ERC1: variants seen among roughly 807,000 people sequenced by gnomAD.
The protein encoded by ERC1 is ELKS/RAB6-interacting/CAST family member 1.
ERC1 carries 56 observed loss-of-function variants against 132.0 expected under a neutral mutation model. The ratio of observed to expected loss-of-function variants is 0.42; its 90% CI spans 0.34 to 0.53. The LOEUF is 0.53. Among genes scored for constraint, ERC1 ranks in the 20% least tolerant of loss-of-function variants. The pLI is 0.03. For missense variants in ERC1, 1,202 were observed against 1,349.9 expected, an observed-to-expected ratio of 0.89 and a Z score of 1.72; for synonymous variants, 478 against 476.1, an observed-to-expected ratio of 1.00 and a Z score of -0.05.
chr12:1,382,115 TG>T (rs1458867635), intron 16 of ERC1, among the ~76,000 whole-genome samples: 1 of 152,132 alleles, frequency 6.6e-6, no homozygotes, highest in Non-Finnish European at 1.5e-5. Context: ...AGTAACTGAG[TG>T]TCAGGAGACC....
At chr12:1,243,999 G>C (rs1478433187) in intron 13 of ERC1, among the ~76,000 whole-genome samples, 1 of 152,158 alleles carries the variant, frequency 6.6e-6, no homozygotes, top group Non-Finnish European at 1.5e-5. Flanking sequence ...ACAGTACCCA[G>C]TAATATCGCC....
chr12:1,342,468 CAA>C (rs567114711), intron 15 of ERC1, among the ~76,000 whole-genome samples: 1 of 113,382 alleles, frequency 8.8e-6, no homozygotes, highest in Non-Finnish European at 1.8e-5. Flanking sequence ...AACTCTGTCT[CAA>C]AAAAAAAAAA....
rs541722623 is a variant in ERC1 at position 1,066,275 on chromosome 12, C to T, written c.670-16889C>T. On this transcript the variant is annotated intron_variant, in intron 2 of 18. Transcript: ENST00000360905. ...ATAATTGCCCTGTGTTGAGGATTTA[C>T]CGGGAGCTGGAGCCTTCACATATAT... 2.6e-5 allele frequency among the ~76,000 whole-genome samples: 4 copies of T among 152,258 alleles called. No homozygotes were observed. In the East Asian group the frequency reaches 5.8e-4, roughly 22 times the overall value.
intron 8 of ERC1, among the ~76,000 whole-genome samples, chr12:1,142,715 A>G (rs1221177919): frequency 6.6e-6 from 1 of 152,210 alleles, no homozygotes; most frequent in Non-Finnish European, 1.5e-5. Flanking sequence ...GAGTTCTTTC[A>G]TTGTAAGTAA....
chr12:1,143,204 AC>A (rs1159120743), intron 8 of ERC1, among the ~76,000 whole-genome samples: 1 of 151,998 alleles, frequency 6.6e-6, no homozygotes, highest in Non-Finnish European at 1.5e-5. Flanking sequence ...GCACCAGCCC[AC>A]CTTTTTTAAA....
In ERC1 at chr12:1,485,201, C is replaced by CTTTTTTTTT. The variant is rs71441650; in HGVS notation, c.3214-4879_3214-4871dup. Among the ~76,000 whole-genome samples the CTTTTTTTTT allele has an allele frequency of 1.6e-4, 15 of 96,390 alleles. 1 individual carries two copies. Among genetic ancestry groups the CTTTTTTTTT allele is most frequent in the African/African-American group, 3.5e-4 (8 of 22,978 alleles). 63.2% of individuals were successfully genotyped at this position (96,390 alleles called of 152,430 possible). ...CCCAAACCTGGTCAAGTTTATATTTCTTTTTTTTTTTTTTTTTTTTTGAGA... is the reference window on the plus strand; with the variant it reads ...CCCAAACCTGGTCAAGTTTATATTTCTTTTTTTTTTTTTTTTTTTTTTTTTTTTTTGAGA... On this transcript the variant is annotated intron_variant, in intron 18 of 18. Transcript: ENST00000360905.
chr12:1,346,156 T>TTTA, intron 15 of ERC1, among the ~76,000 whole-genome samples: 1 of 141,260 alleles, frequency 7.1e-6, no homozygotes, highest in South Asian at 2.2e-4. Flanking sequence ...GACTCAAGTT[T>TTTA]TTGTTGTTTG....
At chr12:1,407,934 T>C (rs1013197801) in intron 16 of ERC1, among the ~76,000 whole-genome samples, 3 of 152,180 alleles carry the variant, frequency 2.0e-5, no homozygotes, top group Admixed American at 1.3e-4. Context: ...CGTTGGGGTT[T>C]AGGGGTTCTA....
At chr12:1,255,013 A>G (rs961334033) in intron 13 of ERC1, among the ~76,000 whole-genome samples, 5 of 150,710 alleles carry the variant, frequency 3.3e-5, no homozygotes, top group African/African-American at 1.2e-4. Flanking sequence ...TTACATAGGT[A>G]TACATGTGCC....
intron 12 of ERC1, among the ~76,000 whole-genome samples, chr12:1,226,867 G>A (rs142539870): frequency 0.023 from 3,569 of 152,212 alleles, 52 homozygotes; most frequent in Middle Eastern, 0.075. Flanking sequence ...AGTAGAGATG[G>A]GGTTGCGCCA....
At chr12:1,010,778 G>A (rs1964560312) in intron 1 of ERC1, among the ~76,000 whole-genome samples, 1 of 151,970 alleles carries the variant, frequency 6.6e-6, no homozygotes, top group Admixed American at 6.6e-5. Flanking sequence ...CTCCGAAAGT[G>A]CTGGGATTAC....
intron 18 of ERC1, among the ~76,000 whole-genome samples, chr12:1,472,662 A>C (rs1391380211): frequency 2.0e-5 from 3 of 151,746 alleles, no homozygotes; most frequent in Non-Finnish European, 4.4e-5. Context: ...AAGAAAAAAA[A>C]AAAGAGAAGA....
At chr12:1,060,259 C>G (rs939945987) in intron 2 of ERC1, among the ~76,000 whole-genome samples, 1 of 150,496 alleles carries the variant, frequency 6.6e-6, no homozygotes, top group Non-Finnish European at 1.5e-5. Flanking sequence ...ATGTGCCATG[C>G]TGGTGTGCTG....
intron 1 of ERC1, among the ~76,000 whole-genome samples, chr12:1,012,305 TTATGA>T: frequency 6.6e-6 from 1 of 152,278 alleles, no homozygotes; most frequent in Non-Finnish European, 1.5e-5. Context: ...CCTTTTAAAC[TTATGA>T]TATGCTTCAG....
rs937284499 is a variant in ERC1 at position 1,440,607 on chromosome 12, T to C, written c.3025-3955T>C. Among the ~76,000 whole-genome samples, 10 of 14,064 alleles carry C rather than the reference T, an allele frequency of 7.1e-4. 1 individual carries two copies. Among genetic ancestry groups the C allele is most frequent in the Admixed American group, 2.8e-3 (5 of 1,762 alleles). The allele number at this position is 14,064 out of a possible 152,430, so 9.2% of individuals were successfully genotyped here. A position where few individuals can be genotyped will look rare whatever the true frequency, so the allele number is the denominator to read the frequency against. On this transcript the variant is annotated intron_variant, in intron 17 of 18. Transcript: ENST00000360905. ...TCCCCCTGCCTCAGCCTTTTGTGTG[T>C]GTGTGTGTGTGTGTGTGTGTGTGTG... is the stretch of plus-strand genomic sequence containing the variant.
chr12:1,168,479 C>CTTTT (rs746267742), intron 8 of ERC1, among the ~76,000 whole-genome samples: 98 of 91,926 alleles, frequency 1.1e-3, no homozygotes, highest in Non-Finnish European at 1.2e-3. Context: ...AGTGACTGGT[C>CTTTT]TTTTTTTTTT....
intron 15 of ERC1, among the ~76,000 whole-genome samples, chr12:1,335,457 G>A (rs946721149): frequency 2.0e-5 from 3 of 152,086 alleles, no homozygotes; most frequent in South Asian, 2.1e-4. Context: ...GAATTTTATC[G>A]AAAGCCCTTT....
intron 2 of ERC1, among the ~76,000 whole-genome samples, chr12:1,056,340 G>A (rs1314751991): frequency 1.3e-5 from 2 of 152,034 alleles, no homozygotes; most frequent in Non-Finnish European, 2.9e-5. Flanking sequence ...GTTGTCTCAC[G>A]GCCATGGAAA....
At chr12:1,275,913 T>C (rs998620360) in intron 14 of ERC1, among the ~76,000 whole-genome samples, 3 of 152,232 alleles carry the variant, frequency 2.0e-5, no homozygotes, top group Admixed American at 2.0e-4. Context: ...GTAGATTTAC[T>C]GACACTTACT....
Sources: allele counts gnomAD v4.1 joint callset (sites outside exome capture counted in the v4.1 genomes callset), GRCh38; gene constraint gnomAD v4.1.1; transcripts MANE v1.5; gene names NCBI Gene and HGNC (gene_info 2026-07-23, HGNC 2026-07-21).